Variants in RPTOR observed in about 807,000 individuals in gnomAD.
RPTOR encodes regulatory associated protein of MTOR complex 1.
In RPTOR, 21 loss-of-function variants were observed where a neutral mutation model predicts 169.9. That is an observed-to-expected ratio of 0.12 (90% CI 0.09 to 0.18). The LOEUF (loss-of-function observed/expected upper bound fraction) is 0.18. RPTOR is among the 10% of genes least tolerant of loss of function. The probability of loss-of-function intolerance (pLI) is 1.00; values close to 1 mark genes in which losing one functional copy is unlikely to be tolerated. For missense variants in RPTOR, 1,133 were observed against 1,855.9 expected (o/e 0.61, Z 7.16); for synonymous variants, 732 against 753.2 (o/e 0.97, Z 0.46).
intron 5 of RPTOR, among the ~76,000 whole-genome samples, chr17:80,741,538 A>G (rs2066481772): frequency 6.6e-6 from 1 of 152,244 alleles, no homozygotes; most frequent in Non-Finnish European, 1.5e-5. Flanking sequence ...CAGGAGGACC[A>G]TGAGGCTGGA....
chr17:80,715,713 G>C (rs1353021989), intron 4 of RPTOR, among the ~76,000 whole-genome samples: 16 of 151,598 alleles, frequency 1.1e-4, no homozygotes, highest in South Asian at 1.0e-3. Flanking sequence ...TTTATCCCTC[G>C]CCCCCTCCCA....
chr17:80,566,947 A>C (rs757727150), intron 1 of RPTOR, among the ~76,000 whole-genome samples: 3 of 150,898 alleles, frequency 2.0e-5, no homozygotes, highest in Non-Finnish European at 4.4e-5. Context: ...CCCTTATGAT[A>C]TGTTCTCTAT....
intron 3 of RPTOR, among the ~76,000 whole-genome samples, chr17:80,675,130 GT>G (rs776294998): frequency 2.6e-5 from 4 of 151,700 alleles, no homozygotes; most frequent in Admixed American, 6.6e-5. Flanking sequence ...ATTTTAAGTT[GT>G]TTTTTTTCTT....
chr17:80,682,759 A>G (rs181160733), intron 3 of RPTOR, among the ~76,000 whole-genome samples: 5 of 152,234 alleles, frequency 3.3e-5, no homozygotes, highest in African/African-American at 1.2e-4. Context: ...AGGAAATATA[A>G]CATTGATTCA....
intron 6 of RPTOR, among the ~76,000 whole-genome samples, chr17:80,762,163 A>G (rs1233944844): frequency 1.3e-5 from 2 of 152,256 alleles, no homozygotes; most frequent in Admixed American, 6.5e-5. Flanking sequence ...TCCCGTTTTA[A>G]AAGATGACGT....
At chr17:80,648,654 G>T (rs796253569) in intron 3 of RPTOR, among the ~76,000 whole-genome samples, 8 of 152,136 alleles carry the variant, frequency 5.3e-5, no homozygotes, top group African/African-American at 1.9e-4. Context: ...CTGCTTTGTG[G>T]GCAAAGCAAT....
intron 13 of RPTOR, among the ~76,000 whole-genome samples, chr17:80,864,683 A>G (rs1015034628): frequency 6.6e-6 from 1 of 152,248 alleles, no homozygotes; most frequent in African/African-American, 2.4e-5. Context: ...AGAGGGAAAC[A>G]CGGTTCTACA....
At position 80,723,056 on chromosome 17, in the gene RPTOR, A is replaced by T. The variant is rs971799590; in HGVS notation, c.508-7504A>T. On this transcript the variant is annotated intron_variant, in intron 4 of 33. Transcript: ENST00000306801. ...ATGTGTTCTCATGATGAGATTGAGGATCAAAGTTTTGGGAAGAATAATGCA... is the reference window on the plus strand; with the variant it reads ...ATGTGTTCTCATGATGAGATTGAGGTTCAAAGTTTTGGGAAGAATAATGCA... Among the ~76,000 whole-genome samples the T allele has an allele frequency of 2.0e-5, 3 of 151,272 alleles. 1 individual carries two copies. The highest frequency in any genetic ancestry group is 7.4e-5 in the African/African-American group (3 of 40,566).
rs2069356050 is a variant in RPTOR at position 80,962,444 on chromosome 17, T to G, written c.3693-17T>G. 6.8e-6 allele frequency: 11 copies of G among 1,608,550 alleles called. No individual in the cohort carries two copies. The highest frequency in any genetic ancestry group is 1.7e-5 in the Admixed American group (1 of 59,898). ...GGGCCTCCGGGAGGAGGTGTCACTGTGACCCTCTCTTGGCAGCGTCAATGG... is the reference window on the plus strand; with the variant it reads ...GGGCCTCCGGGAGGAGGTGTCACTGGGACCCTCTCTTGGCAGCGTCAATGG... On this transcript the variant is annotated splice_polypyrimidine_tract_variant and intron_variant, in intron 31 of 33. Transcript: ENST00000306801.
At chr17:80,561,880 A>ATG (rs1169646160) in intron 1 of RPTOR, among the ~76,000 whole-genome samples, 2 of 142,590 alleles carry the variant, frequency 1.4e-5, no homozygotes, top group Admixed American at 6.7e-5. Context: ...GTATGTGAAT[A>ATG]TGTGTGTGTG....
At chr17:80,685,120 A>G (rs2065927054) in intron 3 of RPTOR, among the ~76,000 whole-genome samples, 1 of 106,306 alleles carries the variant, frequency 9.4e-6, no homozygotes, top group African/African-American at 6.4e-5. Context: ...TCCCCTCGGC[A>G]ACATAGGAGA....
At position 80,667,146 on chromosome 17, in the gene RPTOR, G is replaced by A. The variant is rs115889773; in HGVS notation, c.348+23336G>A. Among the ~76,000 whole-genome samples the A allele has an allele frequency of 9.2e-3, 1,400 of 152,228 alleles. 21 individuals are homozygous for A. The highest frequency in any genetic ancestry group is 0.032 in the African/African-American group (1,336 of 41,540). On this transcript the variant is annotated intron_variant, in intron 3 of 33. Transcript: ENST00000306801. ...GTAGGTTCTGCTGGATCCCTGCCCC[G>A]GTGCATGTTGATCTTTCCAGTACAG...
intron 1 of RPTOR, among the ~76,000 whole-genome samples, chr17:80,555,249 C>T (rs551989465): frequency 1.3e-5 from 2 of 152,330 alleles, no homozygotes; most frequent in South Asian, 2.1e-4. Flanking sequence ...TCTTTCCATT[C>T]GCTCTGCCTA....
At chr17:80,566,823 C>CAAAAAAAAA (rs56295360) in intron 1 of RPTOR, among the ~76,000 whole-genome samples, 27 of 83,978 alleles carry the variant, frequency 3.2e-4, no homozygotes, top group African/African-American at 1.4e-3. Context: ...GACTCCGTCT[C>CAAAAAAAAA]AAAAAAAAAA....
At chr17:80,822,095 C>G (rs1474302893) in intron 7 of RPTOR, 106 bp from the exon 8 acceptor site, 1 of 972,740 alleles carries the variant, frequency 1.0e-6, no homozygotes, top group Non-Finnish European at 1.6e-6. Context: ...CTTCCTCCCT[C>G]GCTCAGAGCC....
At chr17:80,879,916 T>G (rs2068166807) in intron 13 of RPTOR, among the ~76,000 whole-genome samples, 1 of 152,232 alleles carries the variant, frequency 6.6e-6, no homozygotes. Flanking sequence ...AAGCACCTGC[T>G]CAAGTGGGAC....
chr17:80,688,278 AAC>A (rs1237045150), intron 3 of RPTOR, among the ~76,000 whole-genome samples: 1 of 152,190 alleles, frequency 6.6e-6, no homozygotes, highest in Non-Finnish European at 1.5e-5. Flanking sequence ...CCCAGCCCCA[AAC>A]ACACACAATT....
chr17:80,589,097 T>C (rs762102167), intron 1 of RPTOR, among the ~76,000 whole-genome samples: 2 of 152,240 alleles, frequency 1.3e-5, no homozygotes, highest in Non-Finnish European at 2.9e-5. Flanking sequence ...TAGGGATGAA[T>C]AATTACCATG....
At chr17:80,702,253 T>G (rs1447046702) in intron 3 of RPTOR, among the ~76,000 whole-genome samples, 2 of 152,168 alleles carry the variant, frequency 1.3e-5, no homozygotes, top group African/African-American at 4.8e-5. Flanking sequence ...TTGTTTTGTT[T>G]TCTTTTCTTC....
Sources: gnomAD v4.1 joint callset for allele counts (sites outside exome capture counted in the v4.1 genomes callset) on GRCh38, gnomAD v4.1.1 for gene constraint, MANE v1.5 for transcripts, NCBI Gene and HGNC (gene_info 2026-07-23, HGNC 2026-07-21) for gene names.